Variants in DPH6 observed in about 807,000 individuals in gnomAD.
DPH6 encodes the protein diphthamine biosynthesis 6.
In DPH6, 33 loss-of-function variants were observed where a neutral mutation model predicts 38.2. The observed-to-expected ratio is 0.86, with a 90% confidence interval of 0.65 to 1.15. The LOEUF is 1.15. Among genes scored for constraint, DPH6 ranks in the 50% most tolerant of loss-of-function variants. The probability of loss-of-function intolerance (pLI) is 0.00; values close to 1 mark genes in which losing one functional copy is unlikely to be tolerated. For missense variants in DPH6, 325 were observed against 320.0 expected (o/e 1.02, Z -0.12); for synonymous variants, 108 against 103.0 (o/e 1.05, Z -0.30).
In DPH6 at chr15:35,422,444, T is replaced by C. The variant is rs182470991; in HGVS notation, c.506-11548A>G. On this transcript the variant is annotated intron_variant, in intron 5 of 8. Coordinates refer to ENST00000256538, the MANE Select transcript of DPH6 (RefSeq NM_080650.4). ...AGCTTTATTGAGATATAGTTGAGAA[T>C]TAAAAATTGTACATATTTAAGGTGT... 3.9e-5 allele frequency among the ~76,000 whole-genome samples: 6 copies of C among 152,034 alleles called. No individual in the cohort carries two copies. In the East Asian group the frequency reaches 1.2e-3, roughly 29 times the overall value.
the DPH6 span, among the ~76,000 whole-genome samples, chr15:35,204,862 T>C: frequency 6.6e-6 from 1 of 151,936 alleles, no homozygotes; most frequent in South Asian, 2.1e-4. Context: ...TGTTTGGTTA[T>C]TCAAAGTAAT....
In DPH6 at chr15:35,410,859, A is replaced by T; in HGVS notation, c.543T>A (p.Asp181Glu). Residue 181 changes from aspartate to glutamate, a missense_variant, in exon 6 of 9, where the codon GAT becomes GAA. Asp to Glu is a conservative substitution (Grantham distance 45). Transcript: ENST00000256538. ...CCTCTATGAGATAAGGCTCCATTTG[A>T]TCCAGGGTTTTCCCAAGATGCTTAT... ...DPDKHLGKTLDQMEPYLIELS... is the reference protein window; with the variant it reads ...DPDKHLGKTLEQMEPYLIELS... The T allele has an allele frequency of 6.2e-7, 1 of 1,605,212 alleles. No homozygotes were observed. The highest frequency in any genetic ancestry group is 8.5e-7 in the Non-Finnish European group (1 of 1,175,578).
chr15:35,403,469 C>T (rs1008984835), intron 6 of DPH6, among the ~76,000 whole-genome samples: 1 of 151,846 alleles, frequency 6.6e-6, no homozygotes, highest in Non-Finnish European at 1.5e-5. Context: ...TGACTATAGG[C>T]CCCCTGTTGT....
intron 3 of DPH6, chr15:35,298,983 T>C: frequency 1.3e-6 from 1 of 759,764 alleles, no homozygotes; most frequent in Non-Finnish European, 2.4e-6. Context: ...TTCATCTTCA[T>C]CAGAATCCGG....
At chr15:35,433,949 TAG>T (rs2053663401) in intron 5 of DPH6, among the ~76,000 whole-genome samples, 1 of 152,094 alleles carries the variant, frequency 6.6e-6, no homozygotes, top group East Asian at 1.9e-4. Context: ...AGAAGGGAGG[TAG>T]AGATATCTTT....
the DPH6 span, among the ~76,000 whole-genome samples, chr15:35,172,621 A>G: frequency 1.3e-5 from 2 of 152,212 alleles, no homozygotes; most frequent in East Asian, 3.8e-4. Flanking sequence ...ATTAGTCACA[A>G]TTCAGGATAA....
chr15:35,159,866 A>C, the DPH6 span, among the ~76,000 whole-genome samples: 243 of 152,208 alleles, frequency 1.6e-3, 1 homozygote, highest in Admixed American at 3.8e-3. Flanking sequence ...GGAATACCAT[A>C]CAGCCATAAA....
At chr15:35,330,017 T>C (rs1457802071), downstream of DPH6, among the ~76,000 whole-genome samples, 2 of 152,170 alleles carry the variant, frequency 1.3e-5, no homozygotes, top group Non-Finnish European at 2.9e-5. Flanking sequence ...TACTAGAGAA[T>C]TTTTGCATTA....
At chr15:35,261,389 A>G (rs74745093) in intron 3 of DPH6, among the ~76,000 whole-genome samples, 27 of 152,236 alleles carry the variant, frequency 1.8e-4, no homozygotes, top group African/African-American at 5.5e-4. Context: ...TCTCTTGAAG[A>G]TCTTTTTTCT....
chr15:35,325,159 T>C (rs1056940117), intron 3 of DPH6, among the ~76,000 whole-genome samples: 1 of 152,202 alleles, frequency 6.6e-6, no homozygotes, highest in Non-Finnish European at 1.5e-5. Context: ...TTCCCCTAAT[T>C]ACTTTATATG....
intron 3 of DPH6, among the ~76,000 whole-genome samples, chr15:35,497,939 T>C (rs1226600733): frequency 2.0e-5 from 3 of 152,208 alleles, no homozygotes; most frequent in Non-Finnish European, 2.9e-5. Flanking sequence ...ATTCCATCTG[T>C]TAAAATAGTC....
intron 3 of DPH6, among the ~76,000 whole-genome samples, chr15:35,312,662 C>A (rs1292755070): frequency 6.6e-6 from 1 of 152,070 alleles, no homozygotes; most frequent in Non-Finnish European, 1.5e-5. Context: ...GGGAAAAAAC[C>A]CAGATCCACA....
chr15:35,414,175 T>C lies in DPH6; in HGVS notation c.506-3279A>G, dbSNP rs72703196. Among the ~76,000 whole-genome samples the C allele has an allele frequency of 1.7e-3, 261 of 151,928 alleles. 1 individual carries two copies. The highest frequency in any genetic ancestry group is 4.3e-3 in the East Asian group (22 of 5,174). On this transcript the variant is annotated intron_variant, in intron 5 of 8. Transcript: ENST00000256538. ...ATTCATTTCTCCTTGAATCAATCTA[T>C]TTCTAACTGAAATTTGTTCTTTATT...
chr15:35,318,667 C>T (rs562164876), intron 3 of DPH6, among the ~76,000 whole-genome samples: 4 of 152,238 alleles, frequency 2.6e-5, no homozygotes, highest in African/African-American at 7.2e-5. Context: ...CAACAAATAT[C>T]TTTGCTTCAT....
chr15:35,488,222 T>C (rs1288777436), intron 3 of DPH6, among the ~76,000 whole-genome samples: 2 of 152,188 alleles, frequency 1.3e-5, no homozygotes, highest in African/African-American at 4.8e-5. Context: ...TGTCTTCTTC[T>C]GAGCTCTCCA....
At chr15:35,182,413 G>A in the DPH6 span, among the ~76,000 whole-genome samples, 1 of 151,616 alleles carries the variant, frequency 6.6e-6, no homozygotes, top group East Asian at 1.9e-4. Context: ...AGGTTTGTGA[G>A]CTTAATTATT....
At chr15:35,221,208 C>T (rs1357885517) in intron 3 of DPH6, among the ~76,000 whole-genome samples, 2 of 152,216 alleles carry the variant, frequency 1.3e-5, no homozygotes, top group Admixed American at 1.3e-4. Flanking sequence ...GGCAGTCCCA[C>T]CCCTATGGCT....
the DPH6 span, among the ~76,000 whole-genome samples, chr15:35,150,052 T>C: frequency 6.6e-6 from 1 of 152,352 alleles, no homozygotes; most frequent in South Asian, 2.1e-4. Flanking sequence ...ACCAGCTTTC[T>C]CTGAGGAGAA....
the DPH6 span, among the ~76,000 whole-genome samples, chr15:35,200,840 A>G: frequency 2.2e-3 from 327 of 151,942 alleles, 2 homozygotes; most frequent in Admixed American, 0.012. Flanking sequence ...TACTTGGATA[A>G]CATGATGATT....
Sources: gnomAD v4.1 joint callset for allele counts (sites outside exome capture counted in the v4.1 genomes callset) on GRCh38, gnomAD v4.1.1 for gene constraint, MANE v1.5 for transcripts, NCBI Gene and HGNC (gene_info 2026-07-23, HGNC 2026-07-21) for gene names.